The following ACOT1 variants were observed in gnomAD, a reference collection of about 807,000 sequenced individuals.
ACOT1 encodes acyl-coenzyme A thioesterase 1.
In ACOT1, 8 loss-of-function variants were observed where a neutral mutation model predicts 15.7. The observed-to-expected ratio is 0.51, with a 90% CI of 0.30 to 0.92. The LOEUF (loss-of-function observed/expected upper bound fraction) is 0.92, where lower values mean the gene tolerates loss of function less well. Among genes scored for constraint, ACOT1 ranks in the 40% least tolerant of loss-of-function variants. The pLI is 0.06. For synonymous variants in ACOT1, 67 were observed against 241.2 expected, an observed-to-expected ratio of 0.28 and a Z score of 6.69; for missense variants, 151 against 539.4, an observed-to-expected ratio of 0.28 and a Z score of 7.13.
At chr14:73,496,793 G>C in the ACOT1 span, 2 of 659,386 alleles carry the variant, frequency 3.0e-6, no homozygotes, top group Non-Finnish European at 5.4e-6. Context: ...AATCCTAACT[G>C]TGCAGTTTTG....
At chr14:73,524,310 A>AATATATATATATATATATATATATAT in the ACOT1 span, among the ~76,000 whole-genome samples, 2 of 54,788 alleles carry the variant, frequency 3.7e-5, no homozygotes, top group African/African-American at 1.8e-4. Context: ...AAAAAAAAAA[A>AATATATATATATATATATATATATAT]ATATATATAT....
At chr14:73,518,871 T>C in the ACOT1 span, 6 of 647,388 alleles carry the variant, frequency 9.3e-6, no homozygotes, top group Non-Finnish European at 1.5e-5. Context: ...TTTTGTGAGA[T>C]TATTTTTAGT....
the ACOT1 span, chr14:73,493,218 C>A: frequency 9.9e-7 from 1 of 1,007,560 alleles, no homozygotes; most frequent in Non-Finnish European, 1.6e-6. Flanking sequence ...CTTCAGGCTT[C>A]AGTGTACTGG....
At chr14:73,528,392 C>CAAAAAAAAAAA in the ACOT1 span, among the ~76,000 whole-genome samples, 3 of 88,514 alleles carry the variant, frequency 3.4e-5, no homozygotes, top group South Asian at 5.1e-4. Flanking sequence ...AACTTCATCT[C>CAAAAAAAAAAA]AAAAAAAAAA....
In ACOT1 at chr14:73,537,395, G is replaced by C. The variant is rs1366908465; in HGVS notation, c.-27G>C. ...GGGGTCTCCACAGCTGAGGCAGTTTGGCCGGATTATTTGGGTTCCTGCTCG... is the reference window on the plus strand; with the variant it reads ...GGGGTCTCCACAGCTGAGGCAGTTTCGCCGGATTATTTGGGTTCCTGCTCG... On this transcript the variant is annotated 5_prime_UTR_variant, in exon 1 of 3. Transcript: ENST00000311148. The C allele has an allele frequency of 1.6e-6, 2 of 1,234,452 alleles. 1 individual carries two copies. 76.5% of individuals were successfully genotyped at this position (1,234,452 alleles called of 1,614,324 possible).
chr14:73,526,951 G>A, the ACOT1 span, among the ~76,000 whole-genome samples: 6 of 152,182 alleles, frequency 3.9e-5, no homozygotes, highest in Admixed American at 3.9e-4. Flanking sequence ...AGAGATTCCT[G>A]ACTGGGGGAA....
the ACOT1 span, chr14:73,512,260 C>T: frequency 2.4e-6 from 3 of 1,226,666 alleles, no homozygotes; most frequent in South Asian, 4.3e-5. Context: ...TCAAGCAAAA[C>T]ATTAGCTCAG....
chr14:73,495,244 G>C, the ACOT1 span: 1 of 1,613,654 alleles, frequency 6.2e-7, no homozygotes, highest in East Asian at 2.2e-5. Context: ...AAGTTTCTTG[G>C]AGTAAAGTCT....
the ACOT1 span, chr14:73,523,114 A>G: frequency 1.9e-6 from 3 of 1,607,534 alleles, no homozygotes; most frequent in African/African-American, 4.0e-5. Flanking sequence ...GATAGAAGCA[A>G]TGGGGGAGAA....
the ACOT1 span, chr14:73,522,631 C>T: frequency 6.2e-7 from 1 of 1,614,228 alleles, no homozygotes; most frequent in East Asian, 2.2e-5. Flanking sequence ...GCCGACCCAG[C>T]ATATCTGGAT....
chr14:73,509,492 G>A, the ACOT1 span: 1 of 1,612,902 alleles, frequency 6.2e-7, no homozygotes, highest in Non-Finnish European at 8.5e-7. Flanking sequence ...AAAAGAGCCA[G>A]GTAAGAGAGT....
the ACOT1 span, among the ~76,000 whole-genome samples, chr14:73,512,882 A>G: frequency 3.3e-5 from 5 of 152,214 alleles, no homozygotes; most frequent in African/African-American, 1.2e-4. Flanking sequence ...TTCCTGCACT[A>G]ACTAAGCTTG....
the ACOT1 span, chr14:73,522,364 C>T: frequency 1.2e-6 from 2 of 1,614,246 alleles, no homozygotes; most frequent in Non-Finnish European, 1.7e-6. Context: ...TCTCTTCTGC[C>T]TCCAGCTGTT....
chr14:73,497,006 C>T, the ACOT1 span, among the ~76,000 whole-genome samples: 1 of 152,348 alleles, frequency 6.6e-6, no homozygotes, highest in African/African-American at 2.4e-5. Flanking sequence ...AGCGATTCTC[C>T]TGCCTCAGCC....
At chr14:73,491,535 A>G in the ACOT1 span, 1 of 1,529,810 alleles carries the variant, frequency 6.5e-7, no homozygotes, top group Admixed American at 2.0e-5. Flanking sequence ...CCGCAGGTGG[A>G]TAACACGGGT....
At position 73,537,769 on chromosome 14, in the gene ACOT1, C is replaced by T. The variant is rs1407204670; in HGVS notation, c.348C>T (p.Pro116=). ...TGCTGGATGGCCACGACCCCGACCC[C>T]GGGCGGCTGCTGTGCCGGGTGCGGC... is the stretch of plus-strand genomic sequence containing the variant. The part of the protein sequence containing the change: ...LEVLDGHDPD[P]GRLLCRVRHE... The change falls in exon 1 of 3, where the codon CCC becomes CCT. Residue 116 remains proline (P), a synonymous_variant. Transcript: ENST00000311148. 13 of 1,235,086 alleles carry T rather than the reference C, an allele frequency of 1.1e-5. 5 individuals carry two copies. The highest frequency in any genetic ancestry group is 1.4e-5 in the Non-Finnish European group (13 of 934,510). 76.5% of individuals were successfully genotyped at this position (1,235,086 alleles called of 1,614,324 possible).
chr14:73,499,487 C>CA, the ACOT1 span, among the ~76,000 whole-genome samples: 6 of 151,192 alleles, frequency 4.0e-5, no homozygotes, highest in East Asian at 1.9e-4. Flanking sequence ...CTCAAAAAAG[C>CA]AAAAAAACAA....
chr14:73,541,352 G>T lies in ACOT1; in HGVS notation c.458-141G>T. 5 of 741,708 alleles carry T rather than the reference G, an allele frequency of 6.7e-6. 1 individual carries two copies. Among genetic ancestry groups the T allele is most frequent in the African/African-American group, 1.9e-5 (1 of 52,044 alleles). 45.9% of individuals were successfully genotyped at this position (741,708 alleles called of 1,614,324 possible). A position where few individuals can be genotyped will look rare whatever the true frequency, so the allele number is the denominator to read the frequency against. ...GCCAGAAGTTTCTGGACGAACACAG[G>T]TTTTCATTTCTCGTGGGTAGATACC... On this transcript the variant is annotated intron_variant, in intron 1 of 2. Coordinates refer to ENST00000311148, the MANE Select transcript of ACOT1 (RefSeq NM_001037161.2).
At chr14:73,519,600 C>T in the ACOT1 span, among the ~76,000 whole-genome samples, 2 of 152,028 alleles carry the variant, frequency 1.3e-5, no homozygotes, top group Non-Finnish European at 1.5e-5. Context: ...CAAAAATTAG[C>T]TGGGTACAGC....
Sources: allele counts gnomAD v4.1 joint callset (sites outside exome capture counted in the v4.1 genomes callset), GRCh38; gene constraint gnomAD v4.1.1; transcripts MANE v1.5; gene names NCBI Gene and HGNC (gene_info 2026-07-23, HGNC 2026-07-21).